The following RAPGEF6 variants were observed in gnomAD, a reference collection of about 807,000 sequenced individuals.
RAPGEF6 encodes Rap guanine nucleotide exchange factor 6.
RAPGEF6 carries 56 observed loss-of-function variants against 171.4 expected under a neutral mutation model. That is an observed-to-expected ratio of 0.33 (90% CI 0.26 to 0.41). The LOEUF is 0.41. RAPGEF6 is among the 10% of genes least tolerant of loss of function. The pLI is 1.00. For synonymous variants in RAPGEF6, 692 were observed against 650.1 expected, an observed-to-expected ratio of 1.06 and a Z score of -0.98; for missense variants, 1,674 against 1,921.4, an observed-to-expected ratio of 0.87 and a Z score of 2.41.
At position 131,427,242 on chromosome 5, in the gene RAPGEF6, G is replaced by C. The variant is rs757296647; in HGVS notation, c.*24C>G. ...GCCCATTCCTCCACGACTTTCAGTG[G>C]TTTTCAAATAGGTCATCCAAAGGCT... On this transcript the variant is annotated 3_prime_UTR_variant, in exon 28 of 28. Coordinates refer to ENST00000509018, the MANE Select transcript of RAPGEF6 (RefSeq NM_016340.6). 2 of 1,603,774 alleles carry C rather than the reference G, an allele frequency of 1.2e-6. No individual in the cohort carries two copies. Among genetic ancestry groups the C allele is most frequent in the East Asian group, 4.5e-5 (2 of 44,834 alleles).
chr5:131,610,394 T>G (rs1412422151), intron 1 of RAPGEF6, among the ~76,000 whole-genome samples: 1 of 151,946 alleles, frequency 6.6e-6, no homozygotes, highest in Admixed American at 6.5e-5. Flanking sequence ...GTAAGAAGAG[T>G]TGCCATTTTG....
chr5:131,430,676 T>C (rs1304385820), intron 26 of RAPGEF6, 183 bp downstream of exon 26: 2 of 836,118 alleles, frequency 2.4e-6, no homozygotes, highest in Non-Finnish European at 2.0e-6. Context: ...TGGGGTTGAA[T>C]AGCTGCTCCA....
At position 131,461,995 on chromosome 5, in the gene RAPGEF6, C is replaced by T. The variant is rs764626082; in HGVS notation, c.2574G>A (p.Gln858=). The T allele has an allele frequency of 1.2e-6, 2 of 1,613,992 alleles. No homozygotes were observed. Among genetic ancestry groups the T allele is most frequent in the Non-Finnish European group, 1.7e-6 (2 of 1,179,980 alleles). Residue 858 remains glutamine (Q), a synonymous_variant, in exon 19 of 28, where the codon CAG becomes CAA. Coordinates refer to ENST00000509018, the MANE Select transcript of RAPGEF6 (RefSeq NM_016340.6). ...GGGTGGCCACCTCAATGGTACTGAG[C>T]TGCAGCATGGATAGCTGGCTTTCCT... ...LVKESQLSML[Q]LSTIEVATQL... is the part of the protein sequence containing the mutation.
intron 4 of RAPGEF6, among the ~76,000 whole-genome samples, chr5:131,580,532 C>T (rs1309449751): frequency 6.6e-6 from 1 of 152,200 alleles, no homozygotes; most frequent in African/African-American, 2.4e-5. Context: ...AGAGCAGATG[C>T]CGAGGAGGCG....
intron 1 of RAPGEF6, among the ~76,000 whole-genome samples, chr5:131,612,201 A>ATTTTTTTTTT (rs35306366): frequency 1.2e-5 from 1 of 83,328 alleles, no homozygotes; most frequent in Non-Finnish European, 2.3e-5. Flanking sequence ...TGCTCAGCTA[A>ATTTTTTTTTT]TTTTTTTTTT....
intron 1 of RAPGEF6, among the ~76,000 whole-genome samples, chr5:131,629,318 G>GA (rs1037213600): frequency 5.4e-5 from 8 of 147,574 alleles, no homozygotes; most frequent in Admixed American, 2.7e-4. Flanking sequence ...TCACTTAAAA[G>GA]AAAAAAAAAA....
intron 12 of RAPGEF6, 29 bp from the exon 13 acceptor site, chr5:131,495,689 G>A (rs377418263): frequency 3.0e-4 from 471 of 1,590,982 alleles, no homozygotes; most frequent in Admixed American, 1.2e-3. Context: ...GGCAGCATAT[G>A]GTTATAAGAG....
chr5:131,607,256 A>T (rs1359527381), intron 1 of RAPGEF6, among the ~76,000 whole-genome samples: 1 of 152,222 alleles, frequency 6.6e-6, no homozygotes, highest in Non-Finnish European at 1.5e-5. Flanking sequence ...CCACCAGTAA[A>T]GACTCAGAAG....
intron 6 of RAPGEF6, among the ~76,000 whole-genome samples, chr5:131,528,277 A>T (rs1210130581): frequency 5.9e-5 from 7 of 118,062 alleles, no homozygotes; most frequent in African/African-American, 2.3e-4. Flanking sequence ...TATTTATATT[A>T]TATATATATA....
chr5:131,600,259 T>C (rs2150011499), intron 3 of RAPGEF6, among the ~76,000 whole-genome samples: 1 of 152,304 alleles, frequency 6.6e-6, no homozygotes, highest in Middle Eastern at 3.4e-3. Context: ...CAGTGGCTCA[T>C]GCCTGTAATC....
At chr5:131,471,249 T>C (rs749223538) in intron 17 of RAPGEF6, among the ~76,000 whole-genome samples, 2 of 152,210 alleles carry the variant, frequency 1.3e-5, no homozygotes, top group African/African-American at 4.8e-5. Flanking sequence ...GGTAGCCATG[T>C]AGAGAGTGTG....
At chr5:131,584,282 T>C (rs1391995167) in intron 4 of RAPGEF6, among the ~76,000 whole-genome samples, 1 of 152,206 alleles carries the variant, frequency 6.6e-6, no homozygotes, top group Non-Finnish European at 1.5e-5. Context: ...GCATCCTGGA[T>C]GTAGAAAGAT....
chr5:131,498,623 T>C lies in RAPGEF6; in HGVS notation c.1255-16A>G, dbSNP rs868682290. Reference sequence around the variant, plus strand: ...CAGGTGTTGCCTAAAAATCCAAGGATAGGAAGGATTAGAAAATAAACAAAT... The same window carrying C: ...CAGGTGTTGCCTAAAAATCCAAGGACAGGAAGGATTAGAAAATAAACAAAT... On this transcript the variant is annotated splice_polypyrimidine_tract_variant and intron_variant, in intron 11 of 27. Transcript: ENST00000509018. The C allele has an allele frequency of 6.2e-7, 1 of 1,605,480 alleles. No homozygotes were observed. Among genetic ancestry groups the C allele is most frequent in the Non-Finnish European group, 8.5e-7 (1 of 1,176,036 alleles).
chr5:131,485,005 T>C (rs574407133), intron 15 of RAPGEF6, among the ~76,000 whole-genome samples: 105 of 152,226 alleles, frequency 6.9e-4, no homozygotes, highest in South Asian at 3.3e-3. Flanking sequence ...CAGCTCATTA[T>C]AGTCTTGAAC....
chr5:131,567,346 G>T (rs1339649419), intron 4 of RAPGEF6, among the ~76,000 whole-genome samples: 1 of 151,942 alleles, frequency 6.6e-6, no homozygotes, highest in Non-Finnish European at 1.5e-5. Context: ...AGTATACTCT[G>T]TTCTTTTCAT....
chr5:131,486,387 C>T (rs1259017355), intron 15 of RAPGEF6, among the ~76,000 whole-genome samples: 2 of 152,192 alleles, frequency 1.3e-5, no homozygotes, highest in African/African-American at 4.8e-5. Context: ...TTTAAGTTGT[C>T]TTCAGTCAAT....
At chr5:131,580,850 A>G (rs1000409261) in intron 4 of RAPGEF6, among the ~76,000 whole-genome samples, 2 of 152,172 alleles carry the variant, frequency 1.3e-5, no homozygotes, top group Admixed American at 1.3e-4. Context: ...CCTACCCGCC[A>G]ACTGGAAGGG....
chr5:131,499,032 GA>G (rs1273830630), intron 11 of RAPGEF6, among the ~76,000 whole-genome samples: 1 of 152,086 alleles, frequency 6.6e-6, no homozygotes, highest in East Asian at 1.9e-4. Flanking sequence ...AGGGAAGAAA[GA>G]AAAAAGAAAG....
intron 3 of RAPGEF6, among the ~76,000 whole-genome samples, chr5:131,600,599 A>T: frequency 8.3e-6 from 1 of 121,084 alleles, no homozygotes; most frequent in Admixed American, 9.1e-5. Context: ...GGGGAGGGGA[A>T]GGGAGGGGAG....
Sources: gnomAD v4.1 joint callset for allele counts (sites outside exome capture counted in the v4.1 genomes callset) on GRCh38, gnomAD v4.1.1 for gene constraint, MANE v1.5 for transcripts, NCBI Gene and HGNC (gene_info 2026-07-23, HGNC 2026-07-21) for gene names.